Variants in TSPAN9 observed in about 807,000 individuals in gnomAD.
The protein encoded by TSPAN9 is tetraspanin-9.
Under a neutral mutation model 31.0 loss-of-function variants are expected in TSPAN9, and 16 were observed. That is an observed-to-expected ratio of 0.52 (90% CI 0.35 to 0.78). The LOEUF is 0.78. Among genes scored for constraint, TSPAN9 ranks in the 30% least tolerant of loss-of-function variants. The probability of loss-of-function intolerance (pLI) is 0.01; values close to 1 mark genes in which losing one functional copy is unlikely to be tolerated. For missense variants in TSPAN9, 272 were observed against 312.5 expected, an observed-to-expected ratio of 0.87 and a Z score of 0.98; for synonymous variants, 145 against 121.6, an observed-to-expected ratio of 1.19 and a Z score of -1.27.
rs1862839547 is a variant in TSPAN9, at chr12:3,278,623, T to C, written c.255+11T>C. On this transcript the variant is annotated intron_variant, in intron 4 of 8. Coordinates refer to ENST00000011898, the MANE Select transcript of TSPAN9 (RefSeq NM_006675.5). ...TGCCTCCTCCTCAGCGTAAGTTCTG[T>C]CCAAATCCCCAGCCCCTCCAACTCC... The C allele has an allele frequency of 6.2e-7, 1 of 1,609,506 alleles. No homozygotes were observed. The highest frequency in any genetic ancestry group is 1.3e-5 in the African/African-American group (1 of 74,828).
At chr12:3,232,270 T>C (rs1322016591) in intron 3 of TSPAN9, among the ~76,000 whole-genome samples, 2 of 150,152 alleles carry the variant, frequency 1.3e-5, no homozygotes, top group Non-Finnish European at 3.0e-5. Flanking sequence ...GCTTCTGTTA[T>C]GTTTTTTTTT....
At chr12:3,142,547 T>G (rs2098335351) in intron 2 of TSPAN9, among the ~76,000 whole-genome samples, 1 of 152,214 alleles carries the variant, frequency 6.6e-6, no homozygotes, top group African/African-American at 2.4e-5. Flanking sequence ...GTAAAAAATC[T>G]AATCTAGTAA....
intron 2 of TSPAN9, among the ~76,000 whole-genome samples, chr12:3,153,185 G>A (rs1390271474): frequency 6.6e-6 from 1 of 152,184 alleles, no homozygotes; most frequent in Non-Finnish European, 1.5e-5. Context: ...CCTGAACAAA[G>A]CAGACATTTC....
intron 2 of TSPAN9, among the ~76,000 whole-genome samples, chr12:3,196,877 G>A (rs1339026243): frequency 1.3e-5 from 2 of 152,242 alleles, no homozygotes; most frequent in Non-Finnish European, 2.9e-5. Flanking sequence ...AAGATGGAAA[G>A]ATCCAGGGAC....
intron 2 of TSPAN9, among the ~76,000 whole-genome samples, chr12:3,136,743 A>G (rs1274658127): frequency 1.3e-5 from 2 of 152,202 alleles, no homozygotes; most frequent in Admixed American, 6.5e-5. Context: ...CCAGCCAGTA[A>G]GTAAACAGGA....
intron 2 of TSPAN9, among the ~76,000 whole-genome samples, chr12:3,092,212 C>A (rs1419917967): frequency 6.6e-6 from 1 of 152,144 alleles, no homozygotes; most frequent in South Asian, 2.1e-4. Flanking sequence ...GCCAGGCCCT[C>A]CCTGACTCCT....
At chr12:3,218,699 T>A (rs1435481129) in intron 3 of TSPAN9, among the ~76,000 whole-genome samples, 2 of 152,228 alleles carry the variant, frequency 1.3e-5, no homozygotes, top group Non-Finnish European at 2.9e-5. Context: ...CACTGGGGGC[T>A]GAGCCCGCTT....
In TSPAN9 at chr12:3,168,560, T is replaced by G. The variant is rs189575588; in HGVS notation, c.-17-32617T>G. Among the ~76,000 whole-genome samples, 230 of 152,190 alleles carry G rather than the reference T, an allele frequency of 1.5e-3. 1 individual carries two copies. Among genetic ancestry groups the G allele is most frequent in the African/African-American group, 5.4e-3 (223 of 41,524 alleles). On this transcript the variant is annotated intron_variant, in intron 2 of 8. Coordinates refer to ENST00000011898, the MANE Select transcript of TSPAN9 (RefSeq NM_006675.5). The surrounding 1 kb of genome is among the most constrained non-coding windows in gnomAD (Gnocchi z 4.0). ...GCTGGGGGGCGGTGGGGAGCTGACT[T>G]ACTTTCTCTTTGCCCCCCTCTATTT...
chr12:3,169,116 A>T (rs561568185), intron 2 of TSPAN9, among the ~76,000 whole-genome samples: 1 of 152,314 alleles, frequency 6.6e-6, no homozygotes, highest in East Asian at 1.9e-4. Context: ...CTCAGGGACC[A>T]TTCTATCTTC....
At chr12:3,094,547 T>G (rs1033645997) in intron 2 of TSPAN9, among the ~76,000 whole-genome samples, 10 of 151,854 alleles carry the variant, frequency 6.6e-5, no homozygotes, top group Admixed American at 3.9e-4. Context: ...TGTTTTTTTT[T>G]TTTTTTGAGA....
chr12:3,281,406 G>T, intron 7 of TSPAN9, 77 bp downstream of exon 7: 1 of 1,472,382 alleles, frequency 6.8e-7, no homozygotes, highest in African/African-American at 1.4e-5. Context: ...TATAGGGGAG[G>T]CTGGGCCCGG....
chr12:3,142,653 C>T (rs921343333), intron 2 of TSPAN9, among the ~76,000 whole-genome samples: 2 of 152,168 alleles, frequency 1.3e-5, no homozygotes, highest in Non-Finnish European at 2.9e-5. Context: ...CTGCGCCATG[C>T]TCTTACTCCT....
chr12:3,170,503 C>T lies in TSPAN9; in HGVS notation c.-17-30674C>T, dbSNP rs991484918. ...AAGCAGAGATTTTGTTTTTCTGTTC[C>T]TCCTTGTCAAAATTACATTGTTGGA... On this transcript the variant is annotated intron_variant, in intron 2 of 8. Transcript: ENST00000011898. The surrounding 1 kb of genome is among the most constrained non-coding windows in gnomAD (Gnocchi z 4.4). Among the ~76,000 whole-genome samples the T allele has an allele frequency of 6.6e-6, 1 of 151,876 alleles. No homozygotes were observed. Among genetic ancestry groups the T allele is most frequent in the African/African-American group, 2.4e-5 (1 of 41,318 alleles).
chr12:3,198,492 C>A (rs1285620572), intron 2 of TSPAN9, among the ~76,000 whole-genome samples: 1 of 121,344 alleles, frequency 8.2e-6, no homozygotes, highest in Non-Finnish European at 1.7e-5. Context: ...GCACAGGTCA[C>A]CAGCACAGGC....
intron 2 of TSPAN9, among the ~76,000 whole-genome samples, chr12:3,130,685 CG>C (rs1203911423): frequency 6.6e-6 from 1 of 152,180 alleles, no homozygotes; most frequent in East Asian, 1.9e-4. Flanking sequence ...ATAATAGTAC[CG>C]GCCCACAGAG....
intron 2 of TSPAN9, among the ~76,000 whole-genome samples, chr12:3,087,482 C>T (rs1324538439): frequency 6.6e-6 from 1 of 151,980 alleles, no homozygotes; most frequent in Non-Finnish European, 1.5e-5. Flanking sequence ...CCACTGCACT[C>T]CGGGCTGGGT....
rs1409413409 is a variant in TSPAN9, at chr12:3,143,488, C to G, written c.-17-57689C>G. 6.6e-6 allele frequency among the ~76,000 whole-genome samples: 1 copy of G among 151,702 alleles called. No individual in the cohort carries two copies. Among genetic ancestry groups the G allele is most frequent in the African/African-American group, 2.4e-5 (1 of 41,288 alleles). On this transcript the variant is annotated intron_variant, in intron 2 of 8. Coordinates refer to ENST00000011898, the MANE Select transcript of TSPAN9 (RefSeq NM_006675.5). This position sits in a 1 kb window ranked among gnomAD's most constrained non-coding sequence, Gnocchi z 4.2. The stretch of plus-strand genomic sequence containing the variant: ...TTCTGCATTTATTAATTGGAATTCT[C>G]CAAGAAGGAAGAGCTATTTCTTCTG...
intron 3 of TSPAN9, among the ~76,000 whole-genome samples, chr12:3,253,456 G>A (rs757928774): frequency 1.1e-4 from 17 of 152,184 alleles, no homozygotes; most frequent in Non-Finnish European, 2.2e-4. Context: ...GGTGACAGTG[G>A]CACCCACCTC....
intron 2 of TSPAN9, among the ~76,000 whole-genome samples, chr12:3,132,690 G>A (rs187619916): frequency 3.3e-5 from 5 of 152,316 alleles, no homozygotes; most frequent in South Asian, 2.1e-4. Flanking sequence ...GAAGCCTGGC[G>A]TGGACGACTC....
Sources: allele counts gnomAD v4.1 joint callset (sites outside exome capture counted in the v4.1 genomes callset), GRCh38; gene constraint gnomAD v4.1.1; non-coding constraint Gnocchi (gnomAD v3.1); transcripts MANE v1.5; gene names NCBI Gene and HGNC (gene_info 2026-07-23, HGNC 2026-07-21).